Variants in PIEZO2 observed in about 807,000 individuals in gnomAD.
PIEZO2 encodes the protein piezo type mechanosensitive ion channel component 2.
A neutral mutation model predicts 337.3 loss-of-function variants in PIEZO2; 172 were observed. The ratio of observed to expected loss-of-function variants is 0.51; its 90% confidence interval spans 0.45 to 0.58. PIEZO2 has a LOEUF of 0.58. Ranked by LOEUF, PIEZO2 falls within the 20% of genes least tolerant of loss-of-function variation. The pLI, the probability that PIEZO2 is intolerant of heterozygous loss-of-function variation, is 0.00. For synonymous variants in PIEZO2, 1,251 were observed against 1,228.5 expected, an observed-to-expected ratio of 1.02 and a Z score of -0.38; for missense variants, 3,028 against 3,391.3, an observed-to-expected ratio of 0.89 and a Z score of 2.66.
chr18:11,148,846 G>A lies in PIEZO2; in HGVS notation c.-258C>T, dbSNP rs909509210. ...CACCTAGCCCGGCGCCCGGCCCCCT[G>A]CGGCCGGCCCATTTAGTGTGAATCC... On this transcript the variant is annotated 5_prime_UTR_variant, in exon 1 of 56. It introduces an in-frame stop codon into an upstream open reading frame of the 5' UTR. Transcript: ENST00000674853. The surrounding 1 kb of genome is among the most constrained non-coding windows in gnomAD (Gnocchi z 5.2). 4.7e-6 allele frequency: 2 copies of A among 428,336 alleles called. No individual in the cohort carries two copies. Among genetic ancestry groups the A allele is most frequent in the Non-Finnish European group, 8.2e-6 (2 of 244,694 alleles). The allele number at this position is 428,336 out of a possible 1,614,324, so 26.5% of individuals were successfully genotyped here. A position where few individuals can be genotyped will look rare whatever the true frequency, so the allele number is the denominator to read the frequency against.
At chr18:10,981,139 C>T (rs181377553) in intron 2 of PIEZO2, among the ~76,000 whole-genome samples, 88 of 151,954 alleles carry the variant, frequency 5.8e-4, no homozygotes, top group Middle Eastern at 3.4e-3. Context: ...AAACATTAAT[C>T]GTATATATAT....
chr18:10,691,751 T>A (rs1345117061), intron 47 of PIEZO2, among the ~76,000 whole-genome samples: 1 of 94,290 alleles, frequency 1.1e-5, no homozygotes, highest in African/African-American at 4.7e-5. Flanking sequence ...ATATATGATA[T>A]ATTAAAAATA....
At chr18:10,811,833 T>C (rs1338422186) in intron 7 of PIEZO2, among the ~76,000 whole-genome samples, 1 of 152,254 alleles carries the variant, frequency 6.6e-6, no homozygotes, top group Non-Finnish European at 1.5e-5. Flanking sequence ...GTTGTTGTTT[T>C]TTTCTTTTTT....
intron 5 of PIEZO2, among the ~76,000 whole-genome samples, chr18:10,864,457 G>C (rs1333602163): frequency 1.3e-5 from 2 of 152,148 alleles, no homozygotes; most frequent in African/African-American, 4.8e-5. Context: ...AAGGGATTTG[G>C]AATGACCTAC....
rs2041727118 is a variant in PIEZO2, at chr18:10,857,089, G to A, written c.615C>T (p.Ala205=). The stretch of plus-strand genomic sequence containing the variant: ...ACTCCTTGAGCTTAGAGGCCACAGA[G>A]GCAAGCCTGCGGAACATTTTTAACT... The part of the protein sequence containing the change: ...STKLKMFRRL[A]SVASKLKEFI... Residue 205 remains alanine, a synonymous_variant, in exon 6 of 56, where the codon GCC becomes GCT. Coordinates refer to ENST00000674853, the MANE Select transcript of PIEZO2 (RefSeq NM_001378183.1). 10 of 1,537,426 alleles carry A rather than the reference G, an allele frequency of 6.5e-6. No individual in the cohort carries two copies. The South Asian group carries it at 1.1e-4, about 16-fold the overall frequency.
At position 10,854,745 on chromosome 18, in the gene PIEZO2, ACT is replaced by A. The variant is rs1161130397; in HGVS notation, c.917+606_917+607del. On this transcript the variant is annotated intron_variant, in intron 7 of 55. Transcript: ENST00000674853. This position sits in a 1 kb window ranked among gnomAD's most constrained non-coding sequence, Gnocchi z 4.6. ...TTTGTTTGCTTTGAGACAGGGTCTC[ACT>A]CTGTCACCCAGGTGGGAGTGCAGCG... Among the ~76,000 whole-genome samples, 1 of 152,046 alleles carries A rather than the reference ACT, an allele frequency of 6.6e-6. No homozygotes were observed. The highest frequency in any genetic ancestry group is 1.5e-5 in the Non-Finnish European group (1 of 68,000).
chr18:10,782,367 ATAAT>A (rs1469473306), intron 17 of PIEZO2, among the ~76,000 whole-genome samples: 1 of 41,262 alleles, frequency 2.4e-5, no homozygotes, highest in Non-Finnish European at 3.9e-5. Context: ...TTATATATAA[ATAAT>A]TATAATATAT....
intron 3 of PIEZO2, among the ~76,000 whole-genome samples, chr18:10,977,514 T>C (rs1470011929): frequency 6.6e-6 from 1 of 152,140 alleles, no homozygotes; most frequent in African/African-American, 2.4e-5. Context: ...CACTGTATCA[T>C]ATAAGATAAT....
In PIEZO2 at chr18:10,909,189, C is replaced by T. The variant is rs145757491; in HGVS notation, c.329+1997G>A. Among the ~76,000 whole-genome samples the T allele has an allele frequency of 3.3e-3, 509 of 152,090 alleles. 7 individuals carry two copies. In the East Asian group the frequency reaches 0.059, roughly 17 times the overall value. On this transcript the variant is annotated intron_variant, in intron 4 of 55. Coordinates refer to ENST00000674853, the MANE Select transcript of PIEZO2 (RefSeq NM_001378183.1). Reference sequence around the variant, plus strand: ...CACATATATGTTCCCAGAGGCTGAACGTGAAATAATTTGAATTTACATGAA... The same window carrying T: ...CACATATATGTTCCCAGAGGCTGAATGTGAAATAATTTGAATTTACATGAA...
chr18:10,913,762 CATT>C (rs2030683981), intron 3 of PIEZO2, among the ~76,000 whole-genome samples: 1 of 152,036 alleles, frequency 6.6e-6, no homozygotes, highest in South Asian at 2.1e-4. Context: ...TGAGAATAAA[CATT>C]AGGCCACTCA....
rs533157733 is a variant in PIEZO2, at chr18:10,718,239, G to C, written c.5050C>G (p.Arg1684Gly). The C allele has an allele frequency of 1.4e-5, 22 of 1,536,844 alleles. No individual in the cohort carries two copies. The East Asian group carries it at 5.1e-4, about 36-fold the overall frequency. ...SKEGPVEWED[R>G]EDEPIKKKSD... ...TTCTTTTTGATTGGTTCATCCTCCCGGTCTTCCCATTCCACAGGACCTGCC... is the reference window on the plus strand; with the variant it reads ...TTCTTTTTGATTGGTTCATCCTCCCCGTCTTCCCATTCCACAGGACCTGCC... Residue 1684 changes from arginine to glycine, a missense_variant, in exon 37 of 56, where the codon CGG (arginine) becomes GGG (glycine). Physicochemically the swap from Arg to Gly is moderately radical, Grantham distance 125. This residue lies in a region of PIEZO2 where 1,925 missense variants were observed against 2,051.9 expected (regional missense o/e 0.94). Transcript: ENST00000674853.
At chr18:10,685,564 C>T (rs2034512452) in intron 49 of PIEZO2, among the ~76,000 whole-genome samples, 1 of 152,206 alleles carries the variant, frequency 6.6e-6, no homozygotes, top group African/African-American at 2.4e-5. Context: ...CTGCAACCAC[C>T]TCATGACAGT....
At position 10,855,821 on chromosome 18, in the gene PIEZO2, T is replaced by A. The variant is rs566619999; in HGVS notation, c.704-255A>T. Among the ~76,000 whole-genome samples, 22 of 152,300 alleles carry A rather than the reference T, an allele frequency of 1.4e-4. 1 individual carries two copies. The highest frequency in any genetic ancestry group is 1.4e-3 in the Admixed American group (22 of 15,300). Reference sequence around the variant, plus strand: ...GATTAAAAAAATTCCACCTGTGGCGTCTGAACTAAGTAAATGTCTACTTTT... The same window carrying A: ...GATTAAAAAAATTCCACCTGTGGCGACTGAACTAAGTAAATGTCTACTTTT... On this transcript the variant is annotated intron_variant, in intron 6 of 55. Coordinates refer to ENST00000674853, the MANE Select transcript of PIEZO2 (RefSeq NM_001378183.1). This position sits in a 1 kb window ranked among gnomAD's most constrained non-coding sequence, Gnocchi z 4.9.
chr18:10,862,286 G>C lies in PIEZO2; in HGVS notation c.493-5075C>G, dbSNP rs535353994. Among the ~76,000 whole-genome samples the C allele has an allele frequency of 2.0e-5, 3 of 152,186 alleles. No homozygotes were observed. Among genetic ancestry groups the C allele is most frequent in the African/African-American group, 7.2e-5 (3 of 41,532 alleles). ...ATAAAAGTTGCTGATTTCAACATTT[G>C]ATAACATGTATTAGTGTAAGATCTC... On this transcript the variant is annotated intron_variant, in intron 5 of 55. Coordinates refer to ENST00000674853, the MANE Select transcript of PIEZO2 (RefSeq NM_001378183.1). This position sits in a 1 kb window ranked among gnomAD's most constrained non-coding sequence, Gnocchi z 4.4.
Position 10,675,207 on chromosome 18 carries a change from AC to A in PIEZO2, c.8161+1del. The A allele has an allele frequency of 6.5e-7, 1 of 1,526,922 alleles. No individual in the cohort carries two copies. Among genetic ancestry groups the A allele is most frequent in the Non-Finnish European group, 8.9e-7 (1 of 1,122,508 alleles). The allele number at this position is 1,526,922 out of a possible 1,614,324, so 94.6% of individuals were successfully genotyped here. Reference sequence around the variant, plus strand: ...TCTGAAACAAATTTTTCTCATTCTTACCAGATAAAAGTTGCTTTATAGGTTT... The same window carrying A: ...TCTGAAACAAATTTTTCTCATTCTTACAGATAAAAGTTGCTTTATAGGTTT... On this transcript the variant is annotated splice_donor_variant, in intron 54 of 55. Transcript: ENST00000674853. LOFTEE classifies it high-confidence loss of function.
chr18:10,998,484 A>G (rs1213600546), intron 2 of PIEZO2, among the ~76,000 whole-genome samples: 1 of 152,108 alleles, frequency 6.6e-6, no homozygotes, highest in East Asian at 1.9e-4. Context: ...AATTGAGGGT[A>G]TTATGTTGCC....
At chr18:10,755,737 T>TGCTCA (rs139248751) in intron 27 of PIEZO2, among the ~76,000 whole-genome samples, 2,109 of 152,200 alleles carry the variant, frequency 0.014, 43 homozygotes, top group African/African-American at 0.048. Flanking sequence ...GGGGAGACAC[T>TGCTCA]GCTCAGGAAG....
At chr18:10,906,285 G>A (rs572299529) in intron 4 of PIEZO2, among the ~76,000 whole-genome samples, 2 of 152,202 alleles carry the variant, frequency 1.3e-5, no homozygotes, top group Admixed American at 6.5e-5. Flanking sequence ...TTAATCATAA[G>A]GTAATCTGAA....
chr18:11,051,857 T>C (rs1280926920), intron 2 of PIEZO2, among the ~76,000 whole-genome samples: 1 of 152,220 alleles, frequency 6.6e-6, no homozygotes, highest in Non-Finnish European at 1.5e-5. Flanking sequence ...GGTGCATGAC[T>C]GGAGGAAGCA....
Sources: gnomAD v4.1 joint callset for allele counts (sites outside exome capture counted in the v4.1 genomes callset) on GRCh38, gnomAD v4.1.1 for gene constraint, gnomAD v4.1.1 regional missense constraint, Gnocchi (gnomAD v3.1) non-coding constraint, MANE v1.5 for transcripts, NCBI Gene and HGNC (gene_info 2026-07-23, HGNC 2026-07-21) for gene names.